The following PCDH15 variants were observed in gnomAD, a reference collection of about 807,000 sequenced individuals.
PCDH15 encodes the protein protocadherin-15.
PCDH15 carries 129 observed loss-of-function variants against 178.5 expected under a neutral mutation model. The observed-to-expected ratio is 0.72, with a 90% confidence interval of 0.63 to 0.84. The LOEUF (loss-of-function observed/expected upper bound fraction) is 0.84, where lower values mean the gene tolerates loss of function less well. PCDH15 is among the 40% of genes least tolerant of loss of function. PCDH15 has a pLI of 0.00. For synonymous variants in PCDH15, 800 were observed against 732.0 expected, an observed-to-expected ratio of 1.09 and a Z score of -1.50; for missense variants, 2,230 against 2,099.9, an observed-to-expected ratio of 1.06 and a Z score of -1.21.
At chr10:55,430,889 T>C (rs1242169730) in intron 2 of PCDH15, among the ~76,000 whole-genome samples, 2 of 152,122 alleles carry the variant, frequency 1.3e-5, no homozygotes, top group African/African-American at 2.4e-5. Context: ...AAATGAAATG[T>C]TGAGAAAACA....
intron 15 of PCDH15, among the ~76,000 whole-genome samples, chr10:54,111,972 CAA>C (rs369333708): frequency 1.2e-4 from 12 of 97,570 alleles, no homozygotes; most frequent in African/African-American, 4.1e-4. Context: ...ACCAAAAATA[CAA>C]AAAAAAAAAA....
At chr10:54,497,519 A>G (rs1263354655) in intron 3 of PCDH15, among the ~76,000 whole-genome samples, 1 of 152,146 alleles carries the variant, frequency 6.6e-6, no homozygotes, top group African/African-American at 2.4e-5. Flanking sequence ...GATACAGGAG[A>G]AGGTTGAAAC....
chr10:55,457,129 G>T (rs1839572097), intron 2 of PCDH15, among the ~76,000 whole-genome samples: 1 of 152,022 alleles, frequency 6.6e-6, no homozygotes, highest in Admixed American at 6.6e-5. Context: ...CAAAAGGAAA[G>T]GTGGGAAGGG....
At chr10:54,251,466 C>T (rs1020302724) in intron 8 of PCDH15, among the ~76,000 whole-genome samples, 4 of 152,130 alleles carry the variant, frequency 2.6e-5, no homozygotes, top group Admixed American at 6.5e-5. Flanking sequence ...CTCTGATCTT[C>T]GTTGCTTTAT....
At chr10:55,225,862 T>C (rs1334263381) in intron 1 of PCDH15, among the ~76,000 whole-genome samples, 1 of 152,000 alleles carries the variant, frequency 6.6e-6, no homozygotes, top group Non-Finnish European at 1.5e-5. Flanking sequence ...TCCTTTGCAA[T>C]GTTGAAGCTA....
rs1338658555 is a variant in PCDH15 at position 53,811,544 on chromosome 10, T to C, written c.4562+5A>G. 6.6e-7 allele frequency: 1 copy of C among 1,507,352 alleles called. No individual in the cohort carries two copies. Among genetic ancestry groups the C allele is most frequent in the South Asian group, 1.4e-5 (1 of 71,740 alleles). The allele number at this position is 1,507,352 out of a possible 1,614,324, so 93.4% of individuals were successfully genotyped here. A position where few individuals can be genotyped will look rare whatever the true frequency, so the allele number is the denominator to read the frequency against. ...AATCTGAATTTTAAAAATCTGAAGA[T>C]GTACCCATGCTCATAACTGTAATAA... On this transcript the variant is annotated splice_donor_5th_base_variant and intron_variant, in intron 36 of 37. Transcript: ENST00000644397.
rs560836386 is a variant in PCDH15 at position 54,363,860 on chromosome 10, T to C, written c.474+5260A>G. Among the ~76,000 whole-genome samples the C allele has an allele frequency of 5.9e-5, 9 of 152,088 alleles. No homozygotes were observed. The East Asian group carries it at 1.7e-3, about 29-fold the overall frequency. ...TTTGGTAGGTATTATAATCCATGGA[T>C]GGATTACTTTTAAAAATTTCATTTT... On this transcript the variant is annotated intron_variant, in intron 5 of 37. Transcript: ENST00000644397.
At chr10:55,394,655 C>T (rs1169435580) in intron 2 of PCDH15, among the ~76,000 whole-genome samples, 1 of 150,144 alleles carries the variant, frequency 6.7e-6, no homozygotes, top group East Asian at 2.0e-4. Flanking sequence ...CCTAATTCCT[C>T]AACTTGTAAA....
chr10:54,051,590 T>C (rs1163226954), intron 18 of PCDH15, among the ~76,000 whole-genome samples: 1 of 152,108 alleles, frequency 6.6e-6, no homozygotes. Context: ...AATTTCTAAG[T>C]GCCAAAGGGT....
chr10:54,480,352 T>A (rs2078627055), intron 3 of PCDH15, among the ~76,000 whole-genome samples: 1 of 152,056 alleles, frequency 6.6e-6, no homozygotes, highest in African/African-American at 2.4e-5. Context: ...CAATGGAGGT[T>A]AAGTAGCATA....
chr10:54,224,739 CATT>C (rs1351548002), intron 9 of PCDH15, among the ~76,000 whole-genome samples: 1 of 151,982 alleles, frequency 6.6e-6, no homozygotes, highest in Non-Finnish European at 1.5e-5. Flanking sequence ...TCTAATTTCT[CATT>C]ATTTTCTTCC....
intron 8 of PCDH15, among the ~76,000 whole-genome samples, chr10:54,288,018 G>T (rs1431821439): frequency 3.9e-5 from 6 of 152,048 alleles, no homozygotes; most frequent in Non-Finnish European, 7.4e-5. Flanking sequence ...TGATGATGAT[G>T]ATGATGGGAA....
At chr10:54,124,849 A>C (rs1432030926) in intron 15 of PCDH15, among the ~76,000 whole-genome samples, 1 of 152,206 alleles carries the variant, frequency 6.6e-6, no homozygotes, top group Non-Finnish European at 1.5e-5. Context: ...AAGATATCAG[A>C]AAAACAAATC....
chr10:54,996,716 G>A (rs1839653214), intron 2 of PCDH15, among the ~76,000 whole-genome samples: 1 of 152,134 alleles, frequency 6.6e-6, no homozygotes, highest in Non-Finnish European at 1.5e-5. Flanking sequence ...CTTTTATGCT[G>A]CTGTTCTAAG....
At chr10:54,164,584 A>G (rs1382018016) in intron 13 of PCDH15, among the ~76,000 whole-genome samples, 1 of 152,232 alleles carries the variant, frequency 6.6e-6, no homozygotes, top group Non-Finnish European at 1.5e-5. Flanking sequence ...AAGAAATATC[A>G]GAACAGTTAA....
intron 2 of PCDH15, among the ~76,000 whole-genome samples, chr10:55,027,728 T>C (rs991283613): frequency 6.6e-6 from 1 of 151,888 alleles, no homozygotes; most frequent in Non-Finnish European, 1.5e-5. Flanking sequence ...AATACCACTC[T>C]GGTGTTTATT....
intron 2 of PCDH15, among the ~76,000 whole-genome samples, chr10:55,522,749 T>C (rs2132166965): frequency 6.6e-6 from 1 of 151,934 alleles, no homozygotes; most frequent in South Asian, 2.1e-4. Flanking sequence ...TACTATTGGA[T>C]GTTTTTAAAT....
intron 1 of PCDH15, among the ~76,000 whole-genome samples, chr10:54,767,495 A>G (rs769311787): frequency 6.6e-6 from 1 of 152,118 alleles, no homozygotes; most frequent in African/African-American, 2.4e-5. Flanking sequence ...CTTACATCTT[A>G]AGTGTGCCCT....
chr10:54,680,545 C>A (rs369402862), intron 1 of PCDH15, among the ~76,000 whole-genome samples: 1 of 151,888 alleles, frequency 6.6e-6, no homozygotes, highest in Non-Finnish European at 1.5e-5. Context: ...GAGTGATATG[C>A]TTTGGTTGTG....
Sources: gnomAD v4.1 joint callset for allele counts (sites outside exome capture counted in the v4.1 genomes callset) on GRCh38, gnomAD v4.1.1 for gene constraint, MANE v1.5 for transcripts, NCBI Gene and HGNC (gene_info 2026-07-23, HGNC 2026-07-21) for gene names.